GLI2: variants seen among roughly 807,000 people sequenced by gnomAD.
The protein encoded by GLI2 is transcription activator GLI2.
GLI2 carries 22 observed loss-of-function variants against 78.9 expected under a neutral mutation model. That is an observed-to-expected ratio of 0.28 (90% CI 0.20 to 0.40). GLI2 has a LOEUF of 0.40. GLI2 is among the 10% of genes least tolerant of loss of function. The pLI, the probability that GLI2 is intolerant of heterozygous loss-of-function variation, is 1.00. For synonymous variants in GLI2, 974 were observed against 963.7 expected, an observed-to-expected ratio of 1.01 and a Z score of -0.20; for missense variants, 2,097 against 2,213.2, an observed-to-expected ratio of 0.95 and a Z score of 1.05.
intron 1 of GLI2, among the ~76,000 whole-genome samples, chr2:120,796,977 C>A (rs1684426265): frequency 6.6e-6 from 1 of 152,094 alleles, no homozygotes; most frequent in African/African-American, 2.4e-5. Context: ...AGACAGAGGT[C>A]ATTGTTTCTG....
chr2:120,850,892 A>C lies in GLI2; in HGVS notation c.148+53424A>C, dbSNP rs146855948. 1.4e-3 allele frequency among the ~76,000 whole-genome samples: 208 copies of C among 152,372 alleles called. 4 individuals are homozygous for C. The highest frequency in any genetic ancestry group is 3.3e-3 in the South Asian group (16 of 4,830). On this transcript the variant is annotated intron_variant, in intron 2 of 13. Coordinates refer to ENST00000361492, the MANE Select transcript of GLI2 (RefSeq NM_001374353.1). ...AAACATTAAGCTCATAGGATTAAAG[A>C]ATCAAAACGTGGTATTTTAATACCT... is the stretch of plus-strand genomic sequence containing the variant.
intron 2 of GLI2, among the ~76,000 whole-genome samples, chr2:120,836,521 A>G (rs536286876): frequency 6.6e-6 from 1 of 152,294 alleles, no homozygotes; most frequent in Admixed American, 6.5e-5. Context: ...TGTTGCAGAC[A>G]TTGTTGCCAT....
In GLI2 at chr2:120,800,821, T is replaced by C. The variant is rs1227784374; in HGVS notation, c.148+3353T>C. Among the ~76,000 whole-genome samples, 5 of 152,208 alleles carry C rather than the reference T, an allele frequency of 3.3e-5. No individual in the cohort carries two copies. The highest frequency in any genetic ancestry group is 1.3e-4 in the Admixed American group (2 of 15,284). ...GCACCCGGCCGAAAGGGATGACTTATACGAGCTTAGTGTTTCCTGACTTAT... is the reference window on the plus strand; with the variant it reads ...GCACCCGGCCGAAAGGGATGACTTACACGAGCTTAGTGTTTCCTGACTTAT... On this transcript the variant is annotated intron_variant, in intron 2 of 13. Transcript: ENST00000361492. This position sits in a 1 kb window ranked among gnomAD's most constrained non-coding sequence, Gnocchi z 4.1.
At chr2:120,775,418 G>A (rs767516287) in intron 1 of GLI2, among the ~76,000 whole-genome samples, 2 of 152,232 alleles carry the variant, frequency 1.3e-5, no homozygotes, top group Non-Finnish European at 2.9e-5. Flanking sequence ...GGGGTAGTTG[G>A]TGGTGGTGTC....
intron 1 of GLI2, among the ~76,000 whole-genome samples, chr2:120,749,285 A>G (rs1682791036): frequency 6.6e-6 from 1 of 152,206 alleles, no homozygotes; most frequent in African/African-American, 2.4e-5. Context: ...AATATAAGTT[A>G]ACCAGGTAGT....
intron 2 of GLI2, among the ~76,000 whole-genome samples, chr2:120,822,876 A>G (rs946108007): frequency 6.6e-6 from 1 of 152,144 alleles, no homozygotes; most frequent in African/African-American, 2.4e-5. Flanking sequence ...TTTTCAGTAC[A>G]CTCTGAACCC....
intron 5 of GLI2, among the ~76,000 whole-genome samples, chr2:120,959,933 C>G (rs2104981922): frequency 6.6e-6 from 1 of 152,290 alleles, no homozygotes; most frequent in East Asian, 1.9e-4. Flanking sequence ...GTGTTCACAC[C>G]AGGAAGCCCC....
intron 2 of GLI2, among the ~76,000 whole-genome samples, chr2:120,877,305 A>G (rs902111880): frequency 3.3e-5 from 5 of 151,762 alleles, no homozygotes; most frequent in African/African-American, 4.8e-5. Flanking sequence ...GTGTGTAGAT[A>G]TTTGAGAAAG....
At chr2:120,854,607 C>T (rs751143804) in intron 2 of GLI2, among the ~76,000 whole-genome samples, 2 of 152,180 alleles carry the variant, frequency 1.3e-5, no homozygotes, top group Non-Finnish European at 2.9e-5. Context: ...TTGGTCTCCA[C>T]GATGTGTATG....
At chr2:120,915,911 A>T (rs1051306259) in intron 2 of GLI2, among the ~76,000 whole-genome samples, 5 of 150,484 alleles carry the variant, frequency 3.3e-5, no homozygotes, top group Non-Finnish European at 5.9e-5. Context: ...TGTCTCCCCC[A>T]CTCCCGCCTC....
chr2:120,881,171 A>G (rs949145387), intron 2 of GLI2, among the ~76,000 whole-genome samples: 6 of 152,234 alleles, frequency 3.9e-5, no homozygotes, highest in African/African-American at 1.4e-4. Context: ...CAAGAAAGGC[A>G]ACTCAAGTTC....
intron 2 of GLI2, among the ~76,000 whole-genome samples, chr2:120,891,556 G>A (rs1029541828): frequency 6.6e-6 from 1 of 152,196 alleles, no homozygotes; most frequent in African/African-American, 2.4e-5. Context: ...CGTACAGAAT[G>A]TGATTGAAGC....
At chr2:120,865,291 C>T (rs1295392349) in intron 2 of GLI2, among the ~76,000 whole-genome samples, 2 of 152,216 alleles carry the variant, frequency 1.3e-5, no homozygotes, top group African/African-American at 4.8e-5. Context: ...CTGCTGTCTG[C>T]ATAGATGCCC....
At chr2:120,972,851 T>C (rs1033462213) in intron 8 of GLI2, among the ~76,000 whole-genome samples, 1 of 152,164 alleles carries the variant, frequency 6.6e-6, no homozygotes, top group African/African-American at 2.4e-5. Context: ...TTTGGAAACT[T>C]TGCCACTTAT....
intron 2 of GLI2, among the ~76,000 whole-genome samples, chr2:120,815,134 G>A (rs546034425): frequency 1.3e-5 from 2 of 152,280 alleles, no homozygotes; most frequent in African/African-American, 2.4e-5. Context: ...AATACATACA[G>A]TGAAATGGAA....
At chr2:120,937,590 C>T (rs1680259043) in intron 3 of GLI2, among the ~76,000 whole-genome samples, 2 of 152,186 alleles carry the variant, frequency 1.3e-5, no homozygotes, top group Non-Finnish European at 1.5e-5. Context: ...CAGCCTTTCC[C>T]CAACCCCACC....
chr2:120,955,153 CTTTTTT>C lies in GLI2; in HGVS notation c.458-69_458-64del, dbSNP rs869202442. ...ACACCAGGTGTGCATTTCTCTCTGC[CTTTTTT>C]TTTTTTTTTTTTTTTTTTTTTTGGC... On this transcript the variant is annotated intron_variant, in intron 4 of 13. Coordinates refer to ENST00000361492, the MANE Select transcript of GLI2 (RefSeq NM_001374353.1). The C allele has an allele frequency of 4.0e-3, 593 of 146,844 alleles. 2 individuals are homozygous for C. Among genetic ancestry groups the C allele is most frequent in the African/African-American group, 0.017 (316 of 18,238 alleles). The allele number at this position is 146,844 out of a possible 1,614,324, so 9.1% of individuals were successfully genotyped here.
At position 120,843,228 on chromosome 2, in the gene GLI2, A is replaced by C. The variant is rs145420684; in HGVS notation, c.148+45760A>C. The stretch of plus-strand genomic sequence containing the variant: ...CCTCCCCACCAAGATGCTCCCATTT[A>C]GTCCTCCCAACCCTGTTGTTACTGC... On this transcript the variant is annotated intron_variant, in intron 2 of 13. Coordinates refer to ENST00000361492, the MANE Select transcript of GLI2 (RefSeq NM_001374353.1). 1.1e-4 allele frequency among the ~76,000 whole-genome samples: 17 copies of C among 152,294 alleles called. No individual in the cohort carries two copies. In the East Asian group the frequency reaches 3.3e-3, roughly 29 times the overall value.
At position 120,982,730 on chromosome 2, in the gene GLI2, G is replaced by C; in HGVS notation, c.1482G>C (p.Ser494=). The C allele has an allele frequency of 6.2e-7, 1 of 1,613,254 alleles. No homozygotes were observed. The highest frequency in any genetic ancestry group is 1.7e-4 in the Middle Eastern group (1 of 6,056). Residue 494 remains serine (S), a synonymous_variant, in exon 11 of 14, where the codon TCG becomes TCC. Transcript: ENST00000361492. ...KPHKCTFEGC[S]KAYSRLENLK... ...CCTCCTTCTAGTTCGAGGGCTGCTC[G>C]AAGGCCTACTCCCGCCTGGAGAACC...
Sources: gnomAD v4.1 joint callset for allele counts (sites outside exome capture counted in the v4.1 genomes callset) on GRCh38, gnomAD v4.1.1 for gene constraint, Gnocchi (gnomAD v3.1) non-coding constraint, MANE v1.5 for transcripts, NCBI Gene and HGNC (gene_info 2026-07-23, HGNC 2026-07-21) for gene names.